The following SRD5A2 variants were observed in gnomAD, a reference collection of about 807,000 sequenced individuals.
The protein encoded by SRD5A2 is 3-oxo-5-alpha-steroid 4-dehydrogenase 2.
In SRD5A2, 30 loss-of-function variants were observed where a neutral mutation model predicts 27.4. That is an observed-to-expected ratio of 1.10 (90% CI 0.82 to 1.49). The LOEUF (loss-of-function observed/expected upper bound fraction) is 1.49, where lower values mean the gene tolerates loss of function less well. Among genes scored for constraint, SRD5A2 ranks in the 40% most tolerant of loss-of-function variants. The pLI, the probability that SRD5A2 is intolerant of heterozygous loss-of-function variation, is 0.00. For synonymous variants in SRD5A2, 141 were observed against 133.6 expected (o/e 1.06, Z -0.38); for missense variants, 348 against 323.4 (o/e 1.08, Z -0.58).
intron 1 of SRD5A2, among the ~76,000 whole-genome samples, chr2:31,566,454 A>C (rs1166848282): frequency 6.6e-6 from 1 of 152,176 alleles, no homozygotes; most frequent in African/African-American, 2.4e-5. Context: ...CTAAAGCTCT[A>C]GTCAAAAAGA....
intron 1 of SRD5A2, among the ~76,000 whole-genome samples, chr2:31,542,408 A>G (rs1666147115): frequency 6.6e-6 from 1 of 152,150 alleles, no homozygotes. Context: ...GCTACTCAAG[A>G]GGCTAAGGCA....
At chr2:31,536,181 G>A (rs939131499) in intron 1 of SRD5A2, among the ~76,000 whole-genome samples, 1 of 152,176 alleles carries the variant, frequency 6.6e-6, no homozygotes, top group African/African-American at 2.4e-5. Flanking sequence ...GATCCTGAAA[G>A]GCTACAGAAA....
chr2:31,591,858 G>A, the SRD5A2 span, among the ~76,000 whole-genome samples: 2 of 131,084 alleles, frequency 1.5e-5, no homozygotes, highest in South Asian at 5.6e-4. Context: ...AACACCGCAT[G>A]TTTTCACTCA....
intron 1 of SRD5A2, among the ~76,000 whole-genome samples, chr2:31,561,019 C>A (rs1407553717): frequency 6.6e-6 from 1 of 152,094 alleles, no homozygotes; most frequent in African/African-American, 2.4e-5. Context: ...TAGAATCAAA[C>A]CTTCTATATA....
chr2:31,547,391 C>T (rs1364451734), intron 1 of SRD5A2, among the ~76,000 whole-genome samples: 1 of 152,152 alleles, frequency 6.6e-6, no homozygotes, highest in African/African-American at 2.4e-5. Flanking sequence ...TGGGCTACCC[C>T]AGGTGCATCT....
At chr2:31,533,980 A>G (rs957385183) in intron 1 of SRD5A2, among the ~76,000 whole-genome samples, 1 of 152,222 alleles carries the variant, frequency 6.6e-6, no homozygotes, top group African/African-American at 2.4e-5. Flanking sequence ...AATAATCAAC[A>G]ACATGTAATA....
At chr2:31,592,726 A>T in the SRD5A2 span, among the ~76,000 whole-genome samples, 1 of 152,174 alleles carries the variant, frequency 6.6e-6, no homozygotes, top group Non-Finnish European at 1.5e-5. Context: ...AGATCTTTCC[A>T]CTGACATAGT....
chr2:31,586,699 C>T, the SRD5A2 span, among the ~76,000 whole-genome samples: 1 of 152,108 alleles, frequency 6.6e-6, no homozygotes, highest in Admixed American at 6.5e-5. Context: ...ATTGTGGTAC[C>T]CTCTAAAGCA....
chr2:31,609,194 C>T, the SRD5A2 span, among the ~76,000 whole-genome samples: 6 of 152,078 alleles, frequency 3.9e-5, no homozygotes, highest in East Asian at 1.2e-3. Context: ...TTGGTTACAG[C>T]AGCCTGAGCA....
chr2:31,634,896 T>C, the SRD5A2 span, among the ~76,000 whole-genome samples: 8 of 152,320 alleles, frequency 5.3e-5, no homozygotes, highest in African/African-American at 1.9e-4. Flanking sequence ...TAATATTCCA[T>C]TGGGTATATG....
Position 31,564,511 on chromosome 2 carries a change from G to A in SRD5A2, c.281+16109C>T, listed in dbSNP as rs376240511. On this transcript the variant is annotated intron_variant, in intron 1 of 4. Transcript: ENST00000622030. Reference sequence around the variant, plus strand: ...GAATGAAGAATAGTGTATGAAAATCGTCCAATTTTGATGAAAGACTCAAGC... The same window carrying A: ...GAATGAAGAATAGTGTATGAAAATCATCCAATTTTGATGAAAGACTCAAGC... 8.6e-5 allele frequency among the ~76,000 whole-genome samples: 13 copies of A among 152,018 alleles called. No individual in the cohort carries two copies. The East Asian group carries it at 1.5e-3, about 18-fold the overall frequency.
the SRD5A2 span, among the ~76,000 whole-genome samples, chr2:31,624,455 C>T: frequency 6.6e-6 from 1 of 151,906 alleles, no homozygotes; most frequent in Non-Finnish European, 1.5e-5. Context: ...TGTTGGTGTG[C>T]TGCACTCATT....
At chr2:31,569,799 A>T (rs750221585) in intron 1 of SRD5A2, among the ~76,000 whole-genome samples, 1 of 152,172 alleles carries the variant, frequency 6.6e-6, no homozygotes, top group Non-Finnish European at 1.5e-5. Context: ...TGTAGAAGGA[A>T]ATATAAGAGA....
chr2:31,530,688 A>G (rs907756567), intron 3 of SRD5A2, among the ~76,000 whole-genome samples: 1 of 152,096 alleles, frequency 6.6e-6, no homozygotes, highest in African/African-American at 2.4e-5. Context: ...TACATCAAAA[A>G]CGGTGGAAGC....
chr2:31,609,357 T>C, the SRD5A2 span, among the ~76,000 whole-genome samples: 1 of 152,050 alleles, frequency 6.6e-6, no homozygotes, highest in Non-Finnish European at 1.5e-5. Flanking sequence ...TACCCAATTA[T>C]AAAACTTAGT....
chr2:31,562,240 T>G, intron 1 of SRD5A2, among the ~76,000 whole-genome samples: 1 of 152,242 alleles, frequency 6.6e-6, no homozygotes, highest in South Asian at 2.1e-4. Flanking sequence ...TTTAAAAAAT[T>G]TTTATGTTTA....
intron 1 of SRD5A2, among the ~76,000 whole-genome samples, chr2:31,567,675 T>C (rs1304501769): frequency 1.3e-5 from 2 of 152,116 alleles, no homozygotes; most frequent in Admixed American, 6.5e-5. Flanking sequence ...TATATAAACA[T>C]AATCATAAAG....
At chr2:31,595,232 A>G in the SRD5A2 span, among the ~76,000 whole-genome samples, 1 of 152,192 alleles carries the variant, frequency 6.6e-6, no homozygotes, top group South Asian at 2.1e-4. Flanking sequence ...AAACTGAAAG[A>G]AAAAATCAAT....
intron 3 of SRD5A2, among the ~76,000 whole-genome samples, chr2:31,531,079 G>T (rs1451165824): frequency 6.6e-6 from 1 of 152,140 alleles, no homozygotes; most frequent in Non-Finnish European, 1.5e-5. Flanking sequence ...CTGCAATGAG[G>T]GTGTAGGTAG....
Sources: gnomAD v4.1 joint callset for allele counts (sites outside exome capture counted in the v4.1 genomes callset) on GRCh38, gnomAD v4.1.1 for gene constraint, MANE v1.5 for transcripts, NCBI Gene and HGNC (gene_info 2026-07-23, HGNC 2026-07-21) for gene names.